Variants in CCT3 observed in about 807,000 individuals in gnomAD.
CCT3 encodes chaperonin containing TCP1 subunit 3, also known as T-complex protein 1 subunit gamma.
A neutral mutation model predicts 65.3 loss-of-function variants in CCT3; 10 were observed. The ratio of observed to expected loss-of-function variants is 0.15; its 90% CI spans 0.09 to 0.26. CCT3 has a LOEUF of 0.26. CCT3 is among the 10% of genes least tolerant of loss of function. CCT3 has a pLI of 1.00. For synonymous variants in CCT3, 225 were observed against 242.3 expected, an observed-to-expected ratio of 0.93 and a Z score of 0.66; for missense variants, 626 against 708.7, an observed-to-expected ratio of 0.88 and a Z score of 1.33.
chr1:156,314,646 G>A lies in CCT3; in HGVS notation c.975-2425C>T, dbSNP rs183854222. Among the ~76,000 whole-genome samples the A allele has an allele frequency of 7.6e-4, 116 of 152,244 alleles. 1 individual carries two copies. The highest frequency in any genetic ancestry group is 2.7e-3 in the African/African-American group (114 of 41,536). Reference sequence around the variant, plus strand: ...GGAGAATCGTTTGAACCCAGGAGGCGGAGGTTGTGGTGAGCCAAGATTGTG... The same window carrying A: ...GGAGAATCGTTTGAACCCAGGAGGCAGAGGTTGTGGTGAGCCAAGATTGTG... On this transcript the variant is annotated intron_variant, in intron 10 of 13. Transcript: ENST00000295688.
intron 10 of CCT3, among the ~76,000 whole-genome samples, chr1:156,315,641 T>G (rs752386952): frequency 1.8e-4 from 27 of 152,190 alleles, no homozygotes; most frequent in Admixed American, 5.2e-4. Context: ...CGGTCAGCTA[T>G]TAGGAGTGGG....
chr1:156,313,276 T>C (rs1333093131), intron 10 of CCT3, among the ~76,000 whole-genome samples: 13 of 147,460 alleles, frequency 8.8e-5, no homozygotes, highest in Admixed American at 8.4e-4. Context: ...GAAGCAGAGG[T>C]TGCAGCGAGC....
rs1664348308 is a variant in CCT3 at position 156,317,241 on chromosome 1, G to A, written c.899C>T (p.Ala300Val). The change falls in exon 10 of 14, where the codon GCT (alanine) becomes GTT (valine). Residue 300 changes from alanine (A) to valine (V), a missense_variant. Coordinates refer to ENST00000295688, the MANE Select transcript of CCT3 (RefSeq NM_005998.5). ...VITEKGISDL[A>V]QHYLMRANIT... ...ATTGGCCCGCATAAGGTAGTGCTGA[G>A]CTAAATCTACAAATCCAAGAGTAGA... 1.2e-6 allele frequency: 2 copies of A among 1,614,090 alleles called. No homozygotes were observed. Among genetic ancestry groups the A allele is most frequent in the Non-Finnish European group, 1.7e-6 (2 of 1,179,942 alleles).
At chr1:156,317,927 T>C (rs1664381218) in intron 8 of CCT3, among the ~76,000 whole-genome samples, 1 of 152,058 alleles carries the variant, frequency 6.6e-6, no homozygotes, top group Non-Finnish European at 1.5e-5. Flanking sequence ...TTAGCCAGGA[T>C]GGTCTCGATC....
At position 156,310,934 on chromosome 1, in the gene CCT3, T is replaced by G. The variant is rs746053197; in HGVS notation, c.1401+16A>C. 31 of 1,609,852 alleles carry G rather than the reference T, an allele frequency of 1.9e-5. No homozygotes were observed. In the South Asian group the frequency reaches 3.2e-4, roughly 17 times the overall value. Reference sequence around the variant, plus strand: ...TTCCCTGCTCCATCAAGAGAAAAGCTTGGAGAGGAACTCACCCGAAGGGAG... The same window carrying G: ...TTCCCTGCTCCATCAAGAGAAAAGCGTGGAGAGGAACTCACCCGAAGGGAG... On this transcript the variant is annotated intron_variant, in intron 12 of 13. Transcript: ENST00000295688.
chr1:156,315,011 C>T (rs896144081), intron 10 of CCT3, among the ~76,000 whole-genome samples: 1 of 152,132 alleles, frequency 6.6e-6, no homozygotes. Context: ...AGACAAATCA[C>T]GATGTATTTC....
At chr1:156,334,182 T>C (rs1433349963) in intron 4 of CCT3, among the ~76,000 whole-genome samples, 1 of 146,914 alleles carries the variant, frequency 6.8e-6, no homozygotes, top group African/African-American at 2.5e-5. Flanking sequence ...GAGGCTGCAG[T>C]GAGCCGAGAT....
intron 6 of CCT3, 136 bp from the exon 7 acceptor site, chr1:156,321,161 A>AAC: frequency 1.5e-6 from 1 of 675,640 alleles, no homozygotes. Context: ...GAGGAAACTA[A>AAC]AAGGACATTA....
chr1:156,309,487 C>T (rs1225700661), intron 13 of CCT3, among the ~76,000 whole-genome samples, 184 bp from the exon 14 acceptor site: 1 of 152,014 alleles, frequency 6.6e-6, no homozygotes, highest in Non-Finnish European at 1.5e-5. Context: ...AGTGCAGTAG[C>T]ATGATGTCGG....
At position 156,335,194 on chromosome 1, in the gene CCT3, C is replaced by A. The variant is rs74116820; in HGVS notation, c.94-276G>T. ...CCAGAGTCAGTGTTTTTAATGACAC[C>A]CCTAAAGCATGGTTAGCCATCACTT... On this transcript the variant is annotated intron_variant, in intron 2 of 13. Transcript: ENST00000295688. 1,165 of 384,048 alleles carry A rather than the reference C, an allele frequency of 3.0e-3. 10 individuals carry two copies. Among genetic ancestry groups the A allele is most frequent in the African/African-American group, 0.022 (1,061 of 48,470 alleles). 23.8% of individuals were successfully genotyped at this position (384,048 alleles called of 1,614,324 possible).
rs962302896 is a variant in CCT3, at chr1:156,335,810, C to A, written c.93+17G>T. 1.9e-6 allele frequency: 3 copies of A among 1,610,498 alleles called. No homozygotes were observed. The highest frequency in any genetic ancestry group is 2.5e-6 in the Non-Finnish European group (3 of 1,176,848). ...AGCTGGAGGCAAACTACCATAAACA[C>A]TTAAAAGATTTGTGACCTTGGCAGC... On this transcript the variant is annotated intron_variant, in intron 2 of 13. Transcript: ENST00000295688.
At chr1:156,315,092 C>T (rs1342765687) in intron 10 of CCT3, among the ~76,000 whole-genome samples, 1 of 152,146 alleles carries the variant, frequency 6.6e-6, no homozygotes, top group Non-Finnish European at 1.5e-5. Flanking sequence ...CCTCTGACAC[C>T]CAAGACAGAA....
intron 5 of CCT3, among the ~76,000 whole-genome samples, chr1:156,331,834 C>T (rs934775449): frequency 6.6e-6 from 1 of 151,660 alleles, no homozygotes; most frequent in African/African-American, 2.4e-5. Context: ...GGGAGTTCGA[C>T]ACCAGCCTGA....
rs112195357 is a variant in CCT3, at chr1:156,322,705, C to T, written c.423-1680G>A. ...AAAAACTCCGTCTCTACTAAAAATA[C>T]AAAATTAGCCAGGCGTAGTGGCACA... On this transcript the variant is annotated intron_variant, in intron 6 of 13. Transcript: ENST00000295688. Among the ~76,000 whole-genome samples, 371 of 151,738 alleles carry T rather than the reference C, an allele frequency of 2.4e-3. 1 individual carries two copies. The highest frequency in any genetic ancestry group is 8.7e-3 in the African/African-American group (361 of 41,372).
At chr1:156,317,670 A>G in intron 8 of CCT3, 123 bp from the exon 9 acceptor site, 1 of 943,146 alleles carries the variant, frequency 1.1e-6, no homozygotes, top group Non-Finnish European at 1.6e-6. Flanking sequence ...TGTTAAAGCC[A>G]TGACCTCAAC....
intron 5 of CCT3, among the ~76,000 whole-genome samples, chr1:156,328,106 G>A (rs1271908155): frequency 9.0e-5 from 12 of 133,322 alleles, no homozygotes; most frequent in East Asian, 2.4e-4. Flanking sequence ...CAGCCGCCCC[G>A]TCCGGGAGGT....
At chr1:156,318,735 A>G (rs1422586517) in intron 8 of CCT3, 133 bp downstream of exon 8, 1 of 759,768 alleles carries the variant, frequency 1.3e-6, no homozygotes, top group African/African-American at 1.8e-5. Flanking sequence ...CAACTATTCT[A>G]AAGGATTGTT....
At position 156,311,139 on chromosome 1, in the gene CCT3, G is replaced by T. The variant is rs752668283; in HGVS notation, c.1212C>A (p.Asp404Glu). ...AMQVCRNVLL[D>E]PQLVPGGGAS... The stretch of plus-strand genomic sequence containing the variant: ...CCCCACCCCCTGGCACCAGCTGAGG[G>T]TCCAGGAGAACATTGCGACACACTT... Residue 404 changes from aspartate to glutamate, a missense_variant, in exon 12 of 14, where the codon GAC (aspartate) becomes GAA (glutamate). By Grantham distance (45) the Asp-to-Glu change is conservative. Transcript: ENST00000295688. 1 of 1,613,806 alleles carries T rather than the reference G, an allele frequency of 6.2e-7. No homozygotes were observed. The highest frequency in any genetic ancestry group is 1.1e-5 in the South Asian group (1 of 91,070).
intron 10 of CCT3, among the ~76,000 whole-genome samples, chr1:156,315,334 G>A (rs138710651): frequency 6.6e-5 from 10 of 152,096 alleles, no homozygotes; most frequent in Non-Finnish European, 1.3e-4. Context: ...TCAGCCTCCC[G>A]AGTAGCTGGG....
Sources: gnomAD v4.1 joint callset for allele counts (sites outside exome capture counted in the v4.1 genomes callset) on GRCh38, gnomAD v4.1.1 for gene constraint, MANE v1.5 for transcripts, NCBI Gene and HGNC (gene_info 2026-07-23, HGNC 2026-07-21) for gene names.